AP1G1: variants seen among roughly 807,000 people sequenced by gnomAD.
AP1G1 encodes AP-1 complex subunit gamma-1.
AP1G1 carries 7 observed loss-of-function variants against 108.3 expected under a neutral mutation model. The ratio of observed to expected loss-of-function variants is 0.06; its 90% CI spans 0.04 to 0.12. The LOEUF (loss-of-function observed/expected upper bound fraction) is 0.12. AP1G1 is among the 10% of genes least tolerant of loss of function. The probability of loss-of-function intolerance (pLI) is 1.00; values close to 1 mark genes in which losing one functional copy is unlikely to be tolerated. For synonymous variants in AP1G1, 379 were observed against 353.5 expected (o/e 1.07, Z -0.81); for missense variants, 756 against 1,010.7 (o/e 0.75, Z 3.42).
intron 19 of AP1G1, among the ~76,000 whole-genome samples, chr16:71,741,082 C>T (rs1004664153): frequency 2.0e-5 from 3 of 151,824 alleles, no homozygotes; most frequent in Non-Finnish European, 2.9e-5. Context: ...TATCAAGATT[C>T]GAAGAAGAAG....
At chr16:71,807,944 A>G in intron 1 of AP1G1, 1 of 1,265,680 alleles carries the variant, frequency 7.9e-7, no homozygotes, top group Non-Finnish European at 1.0e-6. Flanking sequence ...ATGAGAAAAC[A>G]TTTGACAGCT....
Position 71,750,332 on chromosome 16 carries a change from C to T in AP1G1, c.1285G>A (p.Ala429Thr). The T allele has an allele frequency of 6.2e-7, 1 of 1,613,704 alleles. No homozygotes were observed. Among genetic ancestry groups the T allele is most frequent in the Non-Finnish European group, 8.5e-7 (1 of 1,179,922 alleles). The change falls in exon 14 of 23, where the codon GCA becomes ACA. Residue 429 changes from alanine to threonine, a missense_variant and splice_region_variant. This residue lies in a region of AP1G1 where 357 missense variants were observed against 366.5 expected (regional missense o/e 0.97). Transcript: ENST00000299980. ...GCATCATCACGAACATAACTTCCTG[C>T]CTAAAAGGAAATGCAGACAATTACC... ...IDTIMRVLTTAGSYVRDDAVP... is the reference protein window; with the variant it reads ...IDTIMRVLTTTGSYVRDDAVP...
intron 13 of AP1G1, among the ~76,000 whole-genome samples, chr16:71,753,281 C>T (rs1177195300): frequency 1.3e-5 from 2 of 152,176 alleles, no homozygotes; most frequent in Non-Finnish European, 2.9e-5. Context: ...GATTTCAAAT[C>T]CTGAGTAACT....
At chr16:71,764,811 G>A (rs1326043224) in intron 7 of AP1G1, 85 bp from the exon 8 acceptor site, 8 of 793,828 alleles carry the variant, frequency 1.0e-5, no homozygotes, top group Non-Finnish European at 1.6e-5. Context: ...ATAACTAAAT[G>A]AAGTCTTAGA....
chr16:71,777,705 C>A, intron 2 of AP1G1: 1 of 455,188 alleles, frequency 2.2e-6, no homozygotes, highest in South Asian at 1.6e-5. Flanking sequence ...CCTTCTTCCT[C>A]TTCGGGCCCG....
chr16:71,734,032 G>A (rs565742979), intron 22 of AP1G1, among the ~76,000 whole-genome samples: 10 of 152,320 alleles, frequency 6.6e-5, no homozygotes, highest in South Asian at 6.2e-4. Flanking sequence ...GCAGAGGAAA[G>A]GCAAGTGTTA....
Position 71,733,045 on chromosome 16 carries a change from T to C in AP1G1, c.*13A>G. 6.2e-7 allele frequency: 1 copy of C among 1,601,260 alleles called. No homozygotes were observed. Reference sequence around the variant, plus strand: ...GATTGAGTGGGATAAAGAATGAGAATGGTGCCAAACCCTCATTGCCAGGAC... The same window carrying C: ...GATTGAGTGGGATAAAGAATGAGAACGGTGCCAAACCCTCATTGCCAGGAC... On this transcript the variant is annotated 3_prime_UTR_variant, in exon 23 of 23. Coordinates refer to ENST00000299980, the MANE Select transcript of AP1G1 (RefSeq NM_001128.6).
At chr16:71,789,833 T>A (rs1287079128) in intron 1 of AP1G1, among the ~76,000 whole-genome samples, 2 of 152,230 alleles carry the variant, frequency 1.3e-5, no homozygotes, top group Non-Finnish European at 2.9e-5. Context: ...AGGAAAGGCC[T>A]ATGCCTAACC....
chr16:71,761,085 C>G (rs374322774), intron 10 of AP1G1, among the ~76,000 whole-genome samples: 5 of 152,312 alleles, frequency 3.3e-5, no homozygotes, highest in African/African-American at 1.2e-4. Flanking sequence ...AAACCCAGCT[C>G]TCTGCTGTTT....
At chr16:71,746,333 T>C (rs1597041183) in intron 17 of AP1G1, among the ~76,000 whole-genome samples, 1 of 152,156 alleles carries the variant, frequency 6.6e-6, no homozygotes, top group African/African-American at 2.4e-5. Context: ...CTAAATAAAA[T>C]AGAAAATAAA....
At chr16:71,749,494 A>C (rs12932324) in intron 15 of AP1G1, among the ~76,000 whole-genome samples, 2 of 148,778 alleles carry the variant, frequency 1.3e-5, no homozygotes, top group East Asian at 2.0e-4. Flanking sequence ...AAAAAAAAAA[A>C]CAAAAAACCT....
intron 10 of AP1G1, among the ~76,000 whole-genome samples, chr16:71,760,230 C>CTT (rs58466690): frequency 7.7e-6 from 1 of 129,974 alleles, no homozygotes; most frequent in South Asian, 2.6e-4. Context: ...ATTTCCACAT[C>CTT]TTTTTTTTTT....
intron 13 of AP1G1, 59 bp downstream of exon 13, chr16:71,753,774 C>A: frequency 6.8e-7 from 1 of 1,464,152 alleles, no homozygotes; most frequent in Non-Finnish European, 9.5e-7. Context: ...ACATAAACTT[C>A]ATGATAACAT....
At chr16:71,737,192 T>C (rs1161411328) in intron 21 of AP1G1, among the ~76,000 whole-genome samples, 1 of 152,186 alleles carries the variant, frequency 6.6e-6, no homozygotes, top group African/African-American at 2.4e-5. Flanking sequence ...TTCAGTGACT[T>C]TCTTCATGTC....
intron 1 of AP1G1, among the ~76,000 whole-genome samples, chr16:71,799,754 C>G (rs564798067): frequency 1.3e-5 from 2 of 151,310 alleles, no homozygotes; most frequent in East Asian, 3.9e-4. Flanking sequence ...AGAAAATTAG[C>G]GGGGTGTGGT....
At chr16:71,774,333 G>T in intron 3 of AP1G1, 135 bp downstream of exon 3, 2 of 860,268 alleles carry the variant, frequency 2.3e-6, no homozygotes, top group South Asian at 3.7e-5. Context: ...CGGTGGCAGC[G>T]GAGGAGGATG....
chr16:71,788,907 T>G (rs1262410807), intron 2 of AP1G1, among the ~76,000 whole-genome samples: 1 of 151,952 alleles, frequency 6.6e-6, no homozygotes, highest in Non-Finnish European at 1.5e-5. Context: ...TTCTCCCACT[T>G]CAGTGTCCCA....
intron 1 of AP1G1, among the ~76,000 whole-genome samples, chr16:71,790,459 G>T (rs1020250161): frequency 6.6e-6 from 1 of 151,842 alleles, no homozygotes; most frequent in Admixed American, 6.6e-5. Flanking sequence ...CCCAGGAGGT[G>T]GAGGTTTCAG....
intron 10 of AP1G1, 135 bp downstream of exon 10, chr16:71,761,377 A>G: frequency 2.8e-6 from 2 of 707,696 alleles, no homozygotes; most frequent in Non-Finnish European, 5.0e-6. Context: ...GTGTTTTAAG[A>G]CCAGAAAAAC....
Sources: gnomAD v4.1 joint callset for allele counts (sites outside exome capture counted in the v4.1 genomes callset) on GRCh38, gnomAD v4.1.1 for gene constraint, gnomAD v4.1.1 regional missense constraint, MANE v1.5 for transcripts, NCBI Gene and HGNC (gene_info 2026-07-23, HGNC 2026-07-21) for gene names.